Variants in LMAN1 observed in about 807,000 individuals in gnomAD.
LMAN1 encodes lectin, mannose binding 1, also known as protein ERGIC-53.
In LMAN1, 32 loss-of-function variants were observed where a neutral mutation model predicts 67.8. The observed-to-expected ratio is 0.47, with a 90% CI of 0.36 to 0.63. The LOEUF (loss-of-function observed/expected upper bound fraction) is 0.63. Ranked by LOEUF, LMAN1 falls within the 30% of genes least tolerant of loss-of-function variation. LMAN1 has a pLI of 0.00. For missense variants in LMAN1, 632 were observed against 628.2 expected (o/e 1.01, Z -0.06); for synonymous variants, 235 against 219.3 (o/e 1.07, Z -0.63).
chr18:59,349,776 C>T (rs931797304), intron 5 of LMAN1, among the ~76,000 whole-genome samples: 1 of 152,088 alleles, frequency 6.6e-6, no homozygotes, highest in African/African-American at 2.4e-5. Flanking sequence ...AAAAGATGTA[C>T]GTTTCTACTT....
rs993230237 is a variant in LMAN1 at position 59,346,323 on chromosome 18, C to A, written c.823-272G>T. On this transcript the variant is annotated intron_variant, in intron 7 of 12. Coordinates refer to ENST00000251047, the MANE Select transcript of LMAN1 (RefSeq NM_005570.4). ...GCAACCTCTGCCTCCCAGGTTCAAG[C>A]AATTCTCCTGCCTCAGCCTCCCGAG... Among the ~76,000 whole-genome samples the A allele has an allele frequency of 2.1e-5, 3 of 145,432 alleles. No individual in the cohort carries two copies. In the Admixed American group the frequency reaches 2.2e-4, roughly 10 times the overall value.
rs1198148494 is a variant in LMAN1 at position 59,328,295 on chromosome 18, A to C, written c.*2798T>G. The C allele has an allele frequency of 6.6e-6, 1 of 152,218 alleles. No individual in the cohort carries two copies. Among genetic ancestry groups the C allele is most frequent in the African/African-American group, 2.4e-5 (1 of 41,468 alleles). The allele number at this position is 152,218 out of a possible 1,614,324, so 9.4% of individuals were successfully genotyped here. Reference sequence around the variant, plus strand: ...ATAATCACAATCAGGAAGGCAAAGAAGCTTTAGCAGGCAGGCTTGAAGATG... The same window carrying C: ...ATAATCACAATCAGGAAGGCAAAGACGCTTTAGCAGGCAGGCTTGAAGATG... On this transcript the variant is annotated 3_prime_UTR_variant, in exon 13 of 13. Transcript: ENST00000251047.
At chr18:59,331,306 CTT>C (rs1330611964) in intron 12 of LMAN1, 110 bp downstream of exon 12, 2 of 1,225,982 alleles carry the variant, frequency 1.6e-6, no homozygotes, top group Non-Finnish European at 1.2e-6. Flanking sequence ...TCACAATAAA[CTT>C]AATTTTATAG....
chr18:59,346,964 C>T lies in LMAN1; in HGVS notation c.822+549G>A, dbSNP rs535086366. Among the ~76,000 whole-genome samples the T allele has an allele frequency of 2.6e-5, 4 of 152,104 alleles. No individual in the cohort carries two copies. The East Asian group carries it at 7.8e-4, about 30-fold the overall frequency. ...AATGAAGCGTGGCCGAGCGTGGTGGCTCACACCTGTAATCCCAGCACTTTG... is the reference window on the plus strand; with the variant it reads ...AATGAAGCGTGGCCGAGCGTGGTGGTTCACACCTGTAATCCCAGCACTTTG... On this transcript the variant is annotated intron_variant, in intron 7 of 12. Coordinates refer to ENST00000251047, the MANE Select transcript of LMAN1 (RefSeq NM_005570.4).
chr18:59,337,558 C>A (rs921248535), intron 10 of LMAN1, among the ~76,000 whole-genome samples: 1 of 152,136 alleles, frequency 6.6e-6, no homozygotes, highest in East Asian at 1.9e-4. Context: ...ATTTCTGTAG[C>A]TTCTGAGGTC....
intron 10 of LMAN1, among the ~76,000 whole-genome samples, chr18:59,335,337 G>A (rs999450166): frequency 6.6e-6 from 1 of 151,810 alleles, no homozygotes; most frequent in Non-Finnish European, 1.5e-5. Flanking sequence ...GGAGGCTGAG[G>A]CAGAAGAATC....
At chr18:59,354,676 T>G in intron 3 of LMAN1, 96 bp from the exon 4 acceptor site, 1 of 633,592 alleles carries the variant, frequency 1.6e-6, no homozygotes, top group East Asian at 2.7e-5. Context: ...TCTAAGATTC[T>G]AGGACTCAAA....
chr18:59,339,823 CATGCTGCTTGCCT>C (rs1452634056), intron 8 of LMAN1, among the ~76,000 whole-genome samples: 1 of 152,142 alleles, frequency 6.6e-6, no homozygotes, highest in Admixed American at 6.5e-5. Flanking sequence ...GCTTCTTGCC[CATGCTGCTTGCCT>C]GGAAGGGACC....
At chr18:59,339,727 A>C (rs1357180433) in intron 8 of LMAN1, among the ~76,000 whole-genome samples, 2 of 152,026 alleles carry the variant, frequency 1.3e-5, no homozygotes, top group Non-Finnish European at 2.9e-5. Context: ...GACACTGGTC[A>C]CTCCCATGCA....
At chr18:59,352,919 CTACCTAT>C (rs1375098267) in intron 5 of LMAN1, 21 of 377,984 alleles carry the variant, frequency 5.6e-5, no homozygotes, top group South Asian at 4.2e-4. Flanking sequence ...ATCTATCTAT[CTACCTAT>C]CTATCTATCT....
chr18:59,345,193 A>AC (rs1772666819), intron 8 of LMAN1, among the ~76,000 whole-genome samples: 1 of 152,246 alleles, frequency 6.6e-6, no homozygotes, highest in Non-Finnish European at 1.5e-5. Context: ...ACTGCATACT[A>AC]CATAGAGTTC....
chr18:59,348,403 C>G (rs1568116593), intron 6 of LMAN1, among the ~76,000 whole-genome samples: 1 of 152,200 alleles, frequency 6.6e-6, no homozygotes, highest in Non-Finnish European at 1.5e-5. Flanking sequence ...CCGAGTCCTG[C>G]CTGGGGCTTA....
intron 7 of LMAN1, among the ~76,000 whole-genome samples, chr18:59,346,374 C>T (rs949401767): frequency 6.6e-6 from 1 of 151,614 alleles, no homozygotes; most frequent in African/African-American, 2.4e-5. Flanking sequence ...GCACCTGCTG[C>T]CATGCCCAGC....
chr18:59,347,389 C>CT, intron 7 of LMAN1, 124 bp downstream of exon 7: 1 of 430,988 alleles, frequency 2.3e-6, no homozygotes, highest in East Asian at 6.5e-5. Context: ...GGTTCAGTGA[C>CT]TTGCACAAGA....
Position 59,355,329 on chromosome 18 carries a change from A to C in LMAN1, c.461T>G (p.Phe154Cys), listed in dbSNP as rs1236660670. Residue 154 changes from phenylalanine to cysteine, a missense_variant, in exon 3 of 13, where the codon TTT (phenylalanine) becomes TGT (cysteine). Transcript: ENST00000251047. ...TAAATATACCTTTCCATCATTGTCA[A>C]AAGAATCAAAAAATATTCCAACACC... is the stretch of plus-strand genomic sequence containing the variant. The part of the protein sequence containing the change: ...WNGVGIFFDS[F>C]DNDGKKNNPA... 1.9e-6 allele frequency: 3 copies of C among 1,612,944 alleles called. No homozygotes were observed. Among genetic ancestry groups the C allele is most frequent in the Non-Finnish European group, 2.5e-6 (3 of 1,179,090 alleles).
chr18:59,330,415 TTC>T lies in LMAN1; in HGVS notation c.*676_*677del, dbSNP rs2070740573. The T allele has an allele frequency of 6.6e-6, 1 of 152,462 alleles. No individual in the cohort carries two copies. The highest frequency in any genetic ancestry group is 2.4e-5 in the African/African-American group (1 of 41,436). The allele number at this position is 152,462 out of a possible 1,614,324, so 9.4% of individuals were successfully genotyped here. On this transcript the variant is annotated 3_prime_UTR_variant, in exon 13 of 13. Coordinates refer to ENST00000251047, the MANE Select transcript of LMAN1 (RefSeq NM_005570.4). ...CCAGGCAAAATACCTATAAAAGCCA[TTC>T]TCAGAGGAATGTTTCCACCCACAAG...
intron 5 of LMAN1, among the ~76,000 whole-genome samples, chr18:59,349,835 T>C (rs17696659): frequency 0.22 from 33,715 of 152,170 alleles, 3,955 homozygotes; most frequent in Non-Finnish European, 0.27. Context: ...TAACAGAATC[T>C]TAGAATCCTA....
At chr18:59,350,945 T>C (rs539412090) in intron 5 of LMAN1, among the ~76,000 whole-genome samples, 9 of 152,330 alleles carry the variant, frequency 5.9e-5, no homozygotes, top group African/African-American at 1.7e-4. Flanking sequence ...ATTCACCTTA[T>C]GGTTTCAAAC....
At position 59,359,216 on chromosome 18, in the gene LMAN1, C is replaced by G; in HGVS notation, c.29G>C (p.Arg10Pro). Reference protein sequence around the residue: MAGSRQRGLRARVRPLFCAL... With the variant: MAGSRQRGLPARVRPLFCAL... ...GCAGAACAGCGGCCGAACTCTGGCCCGGAGACCCCTTTGCCTGGATCCCGC... is the reference window on the plus strand; with the variant it reads ...GCAGAACAGCGGCCGAACTCTGGCCGGGAGACCCCTTTGCCTGGATCCCGC... The change falls in exon 1 of 13, where the codon CGG becomes CCG. Residue 10 changes from arginine (R) to proline (P), a missense_variant. Arg to Pro is a moderately radical substitution (Grantham distance 103). Coordinates refer to ENST00000251047, the MANE Select transcript of LMAN1 (RefSeq NM_005570.4). The G allele has an allele frequency of 1.2e-6, 2 of 1,613,926 alleles. No individual in the cohort carries two copies. Among genetic ancestry groups the G allele is most frequent in the Non-Finnish European group, 1.7e-6 (2 of 1,179,870 alleles).
Sources: gnomAD v4.1 joint callset for allele counts (sites outside exome capture counted in the v4.1 genomes callset) on GRCh38, gnomAD v4.1.1 for gene constraint, MANE v1.5 for transcripts, NCBI Gene and HGNC (gene_info 2026-07-23, HGNC 2026-07-21) for gene names.